LDB2: variants seen among roughly 807,000 people sequenced by gnomAD.
LDB2 encodes the protein LIM domain binding 2.
A neutral mutation model predicts 44.3 loss-of-function variants in LDB2; 12 were observed. That is an observed-to-expected ratio of 0.27 (90% CI 0.17 to 0.44). The LOEUF (loss-of-function observed/expected upper bound fraction) is 0.44, where lower values mean the gene tolerates loss of function less well. Ranked by LOEUF, LDB2 falls within the 20% of genes least tolerant of loss-of-function variation. The probability of loss-of-function intolerance (pLI) is 1.00; values close to 1 mark genes in which losing one functional copy is unlikely to be tolerated. For synonymous variants in LDB2, 164 were observed against 174.8 expected, an observed-to-expected ratio of 0.94 and a Z score of 0.49; for missense variants, 344 against 473.5, an observed-to-expected ratio of 0.73 and a Z score of 2.54.
intron 1 of LDB2, among the ~76,000 whole-genome samples, chr4:16,803,713 T>C (rs981084692): frequency 6.6e-6 from 1 of 152,228 alleles, no homozygotes. Context: ...TTTATTTTCA[T>C]TGTTGCTGAA....
Position 16,763,571 on chromosome 4 carries a change from T to G in LDB2, c.133-4311A>C, listed in dbSNP as rs557471063. ...GATTTAAGACAAAAATTACTAAGTGTTGGGTATAGGCCATTCTTGTGTTGG... is the reference window on the plus strand; with the variant it reads ...GATTTAAGACAAAAATTACTAAGTGGTGGGTATAGGCCATTCTTGTGTTGG... On this transcript the variant is annotated intron_variant, in intron 1 of 7. Coordinates refer to ENST00000304523, the MANE Select transcript of LDB2 (RefSeq NM_001290.5). Among the ~76,000 whole-genome samples the G allele has an allele frequency of 2.0e-4, 31 of 152,104 alleles. No homozygotes were observed. The South Asian group carries it at 6.5e-3, about 32-fold the overall frequency.
intron 2 of LDB2, among the ~76,000 whole-genome samples, chr4:16,662,895 A>G (rs1742014026): frequency 6.6e-6 from 1 of 152,014 alleles, no homozygotes; most frequent in Admixed American, 6.6e-5. Context: ...GGACTAATAC[A>G]TATATGTTAT....
intron 3 of LDB2, among the ~76,000 whole-genome samples, chr4:16,592,073 G>A (rs375550849): frequency 6.6e-6 from 1 of 152,084 alleles, no homozygotes; most frequent in African/African-American, 2.4e-5. Flanking sequence ...TCTAATCAAT[G>A]CCCCCAGTAC....
chr4:16,848,026 A>G (rs1787433115), intron 1 of LDB2, among the ~76,000 whole-genome samples: 2 of 152,376 alleles, frequency 1.3e-5, no homozygotes, highest in Middle Eastern at 6.8e-3. Flanking sequence ...AATAAAAATA[A>G]GTACTGAGAA....
intron 2 of LDB2, among the ~76,000 whole-genome samples, chr4:16,680,160 A>T (rs1247743911): frequency 6.6e-6 from 1 of 152,210 alleles, no homozygotes; most frequent in Non-Finnish European, 1.5e-5. Flanking sequence ...GCCGGGATAC[A>T]GCAAGAAGGC....
At chr4:16,701,679 C>T (rs1753466594) in intron 2 of LDB2, among the ~76,000 whole-genome samples, 1 of 152,188 alleles carries the variant, frequency 6.6e-6, no homozygotes, top group Non-Finnish European at 1.5e-5. Flanking sequence ...TAGTTAACTT[C>T]TGGGGGCAGC....
chr4:16,675,144 G>C (rs1335728335), intron 2 of LDB2, among the ~76,000 whole-genome samples: 1 of 152,254 alleles, frequency 6.6e-6, no homozygotes, highest in African/African-American at 2.4e-5. Context: ...TGGTGCAGAA[G>C]GGTCTCAAAC....
intron 1 of LDB2, among the ~76,000 whole-genome samples, chr4:16,803,272 C>T (rs1274478067): frequency 8.5e-5 from 13 of 152,100 alleles, no homozygotes; most frequent in Admixed American, 3.3e-4. Flanking sequence ...AAGTCATTGA[C>T]TCAAATCACT....
At chr4:16,700,085 A>T (rs1253613106) in intron 2 of LDB2, among the ~76,000 whole-genome samples, 3 of 152,176 alleles carry the variant, frequency 2.0e-5, no homozygotes, top group African/African-American at 7.2e-5. Flanking sequence ...ATCCCTAATT[A>T]AAAAATCCAA....
At chr4:16,897,812 T>G (rs1174268217) in intron 1 of LDB2, among the ~76,000 whole-genome samples, 6 of 151,286 alleles carry the variant, frequency 4.0e-5, no homozygotes, top group Non-Finnish European at 8.8e-5. Flanking sequence ...TTTACTCTTC[T>G]GCCCCTTTTT....
chr4:16,771,916 C>G (rs1770791885), intron 1 of LDB2, among the ~76,000 whole-genome samples: 1 of 152,194 alleles, frequency 6.6e-6, no homozygotes, highest in African/African-American at 2.4e-5. Flanking sequence ...CCAGCTAAAA[C>G]TTTTCTATGG....
At chr4:16,885,596 T>C (rs1432924874) in intron 1 of LDB2, among the ~76,000 whole-genome samples, 1 of 152,174 alleles carries the variant, frequency 6.6e-6, no homozygotes, top group Non-Finnish European at 1.5e-5. Context: ...TAAATTAACT[T>C]GCTATATCCC....
chr4:16,655,895 A>ATTTTT (rs1560775125), intron 2 of LDB2, among the ~76,000 whole-genome samples: 1 of 67,736 alleles, frequency 1.5e-5, no homozygotes, highest in Non-Finnish European at 3.2e-5. Flanking sequence ...CTGCAAGAAA[A>ATTTTT]CTTTTTTTTT....
At chr4:16,764,109 C>T (rs2109269217) in intron 1 of LDB2, among the ~76,000 whole-genome samples, 1 of 152,286 alleles carries the variant, frequency 6.6e-6, no homozygotes, top group South Asian at 2.1e-4. Context: ...AACTCCAATA[C>T]ATGCTTTTTT....
At chr4:16,579,890 A>G (rs1321983289) in intron 5 of LDB2, among the ~76,000 whole-genome samples, 1 of 152,134 alleles carries the variant, frequency 6.6e-6, no homozygotes, top group Non-Finnish European at 1.5e-5. Context: ...GAGACAAACG[A>G]GTGGGGAGAC....
At chr4:16,874,938 T>C (rs1717914387) in intron 1 of LDB2, among the ~76,000 whole-genome samples, 2 of 152,116 alleles carry the variant, frequency 1.3e-5, no homozygotes, top group South Asian at 4.1e-4. Flanking sequence ...ATTTTTTCAA[T>C]AAAACAAAAA....
intron 1 of LDB2, among the ~76,000 whole-genome samples, chr4:16,798,325 G>T (rs1455598284): frequency 6.6e-6 from 1 of 152,044 alleles, no homozygotes; most frequent in Non-Finnish European, 1.5e-5. Flanking sequence ...CTTGCTCCAG[G>T]TCACACAACT....
At chr4:16,530,232 G>T (rs532601437) in intron 5 of LDB2, among the ~76,000 whole-genome samples, 1 of 152,190 alleles carries the variant, frequency 6.6e-6, no homozygotes, top group Non-Finnish European at 1.5e-5. Flanking sequence ...TGCTGCCTTG[G>T]TGTCAGCCTT....
rs556855433 is a variant in LDB2 at position 16,659,779 on chromosome 4, C to T, written c.236-63904G>A. ...CCAAAGTTCAGGAAGACAAAGAAAA[C>T]AGAATTATTTTACCACAATAGGAGT... On this transcript the variant is annotated intron_variant, in intron 2 of 7. Coordinates refer to ENST00000304523, the MANE Select transcript of LDB2 (RefSeq NM_001290.5). Among the ~76,000 whole-genome samples the T allele has an allele frequency of 2.0e-5, 3 of 151,288 alleles. No homozygotes were observed. In the East Asian group the frequency reaches 5.9e-4, roughly 30 times the overall value.
Sources: allele counts gnomAD v4.1 joint callset (sites outside exome capture counted in the v4.1 genomes callset), GRCh38; gene constraint gnomAD v4.1.1; transcripts MANE v1.5; gene names NCBI Gene and HGNC (gene_info 2026-07-23, HGNC 2026-07-21).